TRIM66: variants seen among roughly 807,000 people sequenced by gnomAD.
The protein encoded by TRIM66 is tripartite motif-containing protein 66.
TRIM66 carries 99 observed loss-of-function variants against 148.2 expected under a neutral mutation model. The observed-to-expected ratio is 0.67, with a 90% CI of 0.57 to 0.79. TRIM66 has a LOEUF of 0.79. TRIM66 is among the 30% of genes least tolerant of loss of function. The pLI, the probability that TRIM66 is intolerant of heterozygous loss-of-function variation, is 0.00. For synonymous variants in TRIM66, 616 were observed against 635.9 expected (o/e 0.97, Z 0.47); for missense variants, 1,666 against 1,697.9 (o/e 0.98, Z 0.33).
In TRIM66 at chr11:8,617,876, C is replaced by T; in HGVS notation, c.*68G>A. On this transcript the variant is annotated 3_prime_UTR_variant, in exon 25 of 25. Coordinates refer to ENST00000646038, the MANE Select transcript of TRIM66 (RefSeq NM_001388022.1). ...TCCACACTCTGAAGAGGATAAGCTG[C>T]AAGATGGGGAGGAATGGTCGACAGT... 1 of 1,445,478 alleles carries T rather than the reference C, an allele frequency of 6.9e-7. No homozygotes were observed. The highest frequency in any genetic ancestry group is 9.5e-7 in the Non-Finnish European group (1 of 1,050,410). 89.5% of individuals were successfully genotyped at this position (1,445,478 alleles called of 1,614,324 possible).
At chr11:8,634,602 C>A (rs186685858) in intron 15 of TRIM66, among the ~76,000 whole-genome samples, 7 of 152,310 alleles carry the variant, frequency 4.6e-5, no homozygotes, top group Admixed American at 3.9e-4. Flanking sequence ...TAGCCATGGT[C>A]TTTCTTTCAG....
intron 22 of TRIM66, 93 bp from the exon 23 acceptor site, chr11:8,619,628 T>A: frequency 8.2e-7 from 1 of 1,222,890 alleles, no homozygotes; most frequent in Non-Finnish European, 1.1e-6. Context: ...GAAAATGAGG[T>A]GAAATATAAG....
chr11:8,672,548 C>A (rs150899245), intron 4 of TRIM66, among the ~76,000 whole-genome samples, 163 bp from the exon 5 acceptor site: 21 of 151,366 alleles, frequency 1.4e-4, no homozygotes, highest in Non-Finnish European at 2.6e-4. Context: ...GGGTCACGCA[C>A]AAAGACAGAT....
In TRIM66 at chr11:8,625,080, CT is replaced by C; in HGVS notation, c.2458del (p.Ser820ValfsTer10). ...GCTGGACACCATTTTGGGGGGAGCA[CT>C]CAGCAGGCTTGGTACTGCCTGGGGG... ...GAPQAVPSLL[S>X]APPKMVSSLT... is the part of the protein sequence containing the mutation. On this transcript the variant is annotated frameshift_variant, in exon 16 of 25. Coordinates refer to ENST00000646038, the MANE Select transcript of TRIM66 (RefSeq NM_001388022.1). LOFTEE classifies it high-confidence loss of function. 6.4e-7 allele frequency: 1 copy of C among 1,551,766 alleles called. No homozygotes were observed. Among genetic ancestry groups the C allele is most frequent in the Non-Finnish European group, 8.7e-7 (1 of 1,147,014 alleles).
At chr11:8,658,843 A>C in intron 6 of TRIM66, 2 of 981,578 alleles carry the variant, frequency 2.0e-6, no homozygotes, top group Non-Finnish European at 2.4e-6. Flanking sequence ...TGTCTCCTAC[A>C]TACTCACCTG....
Position 8,672,117 on chromosome 11 carries a change from G to A in TRIM66, c.28-19C>T. 1 of 1,529,878 alleles carries A rather than the reference G, an allele frequency of 6.5e-7. No homozygotes were observed. Among genetic ancestry groups the A allele is most frequent in the Non-Finnish European group, 8.7e-7 (1 of 1,144,058 alleles). The allele number at this position is 1,529,878 out of a possible 1,614,324, so 94.8% of individuals were successfully genotyped here. A position where few individuals can be genotyped will look rare whatever the true frequency, so the allele number is the denominator to read the frequency against. On this transcript the variant is annotated intron_variant, in intron 5 of 24. Transcript: ENST00000646038. The stretch of plus-strand genomic sequence containing the variant: ...CCACTCCCTGTAAGTGAAGCACAAA[G>A]CAGAGTGATCTACTTATTTTGAGCA...
intron 6 of TRIM66, among the ~76,000 whole-genome samples, chr11:8,668,993 A>C (rs2038769680): frequency 6.6e-6 from 1 of 152,204 alleles, no homozygotes; most frequent in Non-Finnish European, 1.5e-5. Flanking sequence ...GGTTAAAGTA[A>C]GTCATAGAAC....
intron 6 of TRIM66, among the ~76,000 whole-genome samples, chr11:8,657,109 C>G (rs964190859): frequency 6.6e-5 from 10 of 152,192 alleles, no homozygotes; most frequent in Non-Finnish European, 1.3e-4. Context: ...ACATGAACAG[C>G]AGGGCCAAGG....
chr11:8,649,750 C>G lies in TRIM66; in HGVS notation c.582G>C (p.Lys194Asn), dbSNP rs548951886. The G allele has an allele frequency of 3.4e-5, 53 of 1,547,436 alleles. 1 individual carries two copies. The South Asian group carries it at 4.6e-4, about 14-fold the overall frequency. ...AGGTGGGATTGGTACCTGGAGATCC[C>G]TTCTGGGCCCGAGGAAAGAATGGGC... Reference protein sequence around the residue: ...PGGPFFPRAQKGSPGVNGGPG... With the variant: ...PGGPFFPRAQNGSPGVNGGPG... Residue 194 changes from lysine to asparagine, a missense_variant, in exon 8 of 25, where the codon AAG becomes AAC. Physicochemically the swap from Lys to Asn is moderately conservative, Grantham distance 94. This residue lies in a region of TRIM66 where 1,431 missense variants were observed against 1,412.4 expected (regional missense o/e 1.01). Coordinates refer to ENST00000646038, the MANE Select transcript of TRIM66 (RefSeq NM_001388022.1).
chr11:8,618,611 T>A, intron 24 of TRIM66, 139 bp downstream of exon 24: 1 of 773,100 alleles, frequency 1.3e-6, no homozygotes, highest in Non-Finnish European at 2.1e-6. Flanking sequence ...CCCTGGGGGC[T>A]AAGGGGCTGG....
At chr11:8,675,827 C>A (rs2039152461) in intron 3 of TRIM66, among the ~76,000 whole-genome samples, 1 of 152,054 alleles carries the variant, frequency 6.6e-6, no homozygotes, top group Non-Finnish European at 1.5e-5. Flanking sequence ...CAACCTCCGA[C>A]TCCCTGGTTC....
chr11:8,649,896 A>T lies in TRIM66; in HGVS notation c.445-9T>A, dbSNP rs1481129265. 1 of 1,550,016 alleles carries T rather than the reference A, an allele frequency of 6.5e-7. No homozygotes were observed. Among genetic ancestry groups the T allele is most frequent in the Non-Finnish European group, 8.7e-7 (1 of 1,145,768 alleles). On this transcript the variant is annotated splice_polypyrimidine_tract_variant and intron_variant, in intron 7 of 24. Coordinates refer to ENST00000646038, the MANE Select transcript of TRIM66 (RefSeq NM_001388022.1). ...TTGCACTCAGAGCAGTTCTGGAAGC[A>T]GAGAGTTCTGGAGTTACTGATGTTA...
intron 12 of TRIM66, among the ~76,000 whole-genome samples, chr11:8,644,018 T>TACCTAG (rs896234739): frequency 1.3e-5 from 2 of 152,196 alleles, no homozygotes; most frequent in Non-Finnish European, 2.9e-5. Context: ...TTAGTCACCA[T>TACCTAG]ACCTAGACCC....
chr11:8,670,300 C>T (rs2038862366), intron 6 of TRIM66, among the ~76,000 whole-genome samples: 1 of 152,204 alleles, frequency 6.6e-6, no homozygotes, highest in African/African-American at 2.4e-5. Context: ...GCGTGAGCCA[C>T]TGCACCAGGC....
Position 8,613,329 on chromosome 11 carries a change from A to C in TRIM66, c.*4615T>G, listed in dbSNP as rs2033514386. ...GAGACTTGTGGTGTCATAAAAGCTA[A>C]GGGAGGAGGTTGTTTCACTGAGGGT... On this transcript the variant is annotated 3_prime_UTR_variant, in exon 25 of 25. Transcript: ENST00000646038. 1 of 152,148 alleles carries C rather than the reference A, an allele frequency of 6.6e-6. No individual in the cohort carries two copies. The highest frequency in any genetic ancestry group is 1.5e-5 in the Non-Finnish European group (1 of 68,046). The allele number at this position is 152,148 out of a possible 1,614,324, so 9.4% of individuals were successfully genotyped here.
At position 8,617,068 on chromosome 11, in the gene TRIM66, T is replaced by C. The variant is rs1379182128; in HGVS notation, c.*876A>G. The C allele has an allele frequency of 6.6e-6, 1 of 152,208 alleles. No homozygotes were observed. Among genetic ancestry groups the C allele is most frequent in the African/African-American group, 2.4e-5 (1 of 41,444 alleles). The allele number at this position is 152,208 out of a possible 1,614,324, so 9.4% of individuals were successfully genotyped here. A position where few individuals can be genotyped will look rare whatever the true frequency, so the allele number is the denominator to read the frequency against. ...AGAACTCACGATCCATACCTCTGAA[T>C]GAGGATGATGAAGGGTATGGCCACT... On this transcript the variant is annotated 3_prime_UTR_variant, in exon 25 of 25. Transcript: ENST00000646038.
intron 1 of TRIM66, 63 bp downstream of exon 1, chr11:8,682,538 A>G (rs1054657035): frequency 3.2e-5 from 18 of 561,916 alleles, no homozygotes; most frequent in Non-Finnish European, 4.7e-5. Context: ...CGTGCAGTAC[A>G]GCACACCTAG....
rs765521723 is a variant in TRIM66 at position 8,624,988 on chromosome 11, G to A, written c.2551C>T (p.Leu851Phe). The change falls in exon 16 of 25, where the codon CTT (leucine) becomes TTT (phenylalanine). Residue 851 changes from leucine to phenylalanine, a missense_variant. Physicochemically the swap from Leu to Phe is conservative, Grantham distance 22 (BLOSUM62 0). Coordinates refer to ENST00000646038, the MANE Select transcript of TRIM66 (RefSeq NM_001388022.1). ...TTSHLQTVPS[L>F]VHSTFQSMPN... is the part of the protein sequence containing the mutation. ...ATGGACTGGAATGTGCTATGCACAA[G>A]GCTGGGCACAGTCTGTAGGTGACTG... The A allele has an allele frequency of 3.2e-6, 5 of 1,551,778 alleles. No individual in the cohort carries two copies. The highest frequency in any genetic ancestry group is 4.4e-6 in the Non-Finnish European group (5 of 1,147,010).
chr11:8,678,359 G>A (rs897439825), intron 3 of TRIM66, among the ~76,000 whole-genome samples: 1 of 152,052 alleles, frequency 6.6e-6, no homozygotes, highest in Non-Finnish European at 1.5e-5. Context: ...ATGAAGACTG[G>A]GTAGTGATAC....
Sources: gnomAD v4.1 joint callset for allele counts (sites outside exome capture counted in the v4.1 genomes callset) on GRCh38, gnomAD v4.1.1 for gene constraint, gnomAD v4.1.1 regional missense constraint, MANE v1.5 for transcripts, NCBI Gene and HGNC (gene_info 2026-07-23, HGNC 2026-07-21) for gene names.